TMEM42: variants seen among roughly 807,000 people sequenced by gnomAD.
TMEM42 encodes the protein transmembrane protein 42.
A neutral mutation model predicts 14.0 loss-of-function variants in TMEM42; 8 were observed. The ratio of observed to expected loss-of-function variants is 0.57; its 90% CI spans 0.34 to 1.03. TMEM42 has a LOEUF of 1.03. Among genes scored for constraint, TMEM42 ranks in the 50% least tolerant of loss-of-function variants. The pLI, the probability that TMEM42 is intolerant of heterozygous loss-of-function variation, is 0.03. For missense variants in TMEM42, 211 were observed against 219.8 expected (o/e 0.96, Z 0.25); for synonymous variants, 115 against 94.3 (o/e 1.22, Z -1.27).
In TMEM42 at chr3:44,864,182, C is replaced by A. The variant is rs375909438; in HGVS notation, c.193-15C>A. ...CCCAGGGTGGACGTGGCTGCAGTGA[C>A]ACTTTCTCCTGCAGGTGAGCATGGG... On this transcript the variant is annotated splice_polypyrimidine_tract_variant and intron_variant, in intron 1 of 2. Transcript: ENST00000302392. 67 of 1,613,228 alleles carry A rather than the reference C, an allele frequency of 4.2e-5. No homozygotes were observed. Among genetic ancestry groups the A allele is most frequent in the Non-Finnish European group, 5.3e-5 (63 of 1,179,846 alleles).
At chr3:44,863,306 C>CA (rs961244169) in intron 1 of TMEM42, 1 of 107,006 alleles carries the variant, frequency 9.3e-6, no homozygotes, top group Non-Finnish European at 2.2e-5. Flanking sequence ...CCGCACCCCC[C>CA]CCCCCCGCCG....
chr3:44,863,299 C>A (rs1486282445), intron 1 of TMEM42: 1 of 65,130 alleles, frequency 1.5e-5, no homozygotes. Context: ...TTAGATTCCG[C>A]ACCCCCCCCC....
chr3:44,864,375 C>G (rs761901692), intron 2 of TMEM42, 32 bp downstream of exon 2: 1 of 1,613,064 alleles, frequency 6.2e-7, no homozygotes, highest in African/African-American at 1.3e-5. Flanking sequence ...TGCTCTTGTC[C>G]TAAATCTGGG....
rs1029685924 is a variant in TMEM42, at chr3:44,864,093, G to A, written c.193-104G>A. 288 of 1,460,698 alleles carry A rather than the reference G, an allele frequency of 2.0e-4. 2 individuals are homozygous for A. The East Asian group carries it at 6.5e-3, about 33-fold the overall frequency. 90.5% of individuals were successfully genotyped at this position (1,460,698 alleles called of 1,614,324 possible). A position where few individuals can be genotyped will look rare whatever the true frequency, so the allele number is the denominator to read the frequency against. ...CCCTCTGAGCTGTAGTGGGAGCTCA[G>A]TAGGAGCCTGGGTGCCAGCAACCAC... On this transcript the variant is annotated intron_variant, in intron 1 of 2. Transcript: ENST00000302392.
At chr3:44,862,260 T>C in intron 1 of TMEM42, 144 bp downstream of exon 1, 1 of 532,712 alleles carries the variant, frequency 1.9e-6, no homozygotes, top group Non-Finnish European at 2.4e-6. Flanking sequence ...CTCGCCGGTC[T>C]GTCCCGCCGG....
intron 1 of TMEM42, chr3:44,863,506 G>T (rs1699286488): frequency 6.6e-6 from 1 of 152,178 alleles, no homozygotes; most frequent in Non-Finnish European, 1.5e-5. Context: ...TTTCCCTCAG[G>T]CAAGGCTGTG....
At chr3:44,864,938 G>A (rs1299671664) in intron 2 of TMEM42, 102 bp from the exon 3 acceptor site, 1 of 1,502,088 alleles carries the variant, frequency 6.7e-7, no homozygotes, top group East Asian at 2.3e-5. Flanking sequence ...TCTGGCTCCA[G>A]ACCTTTCCTC....
At chr3:44,864,079 G>A (rs2125740022) in intron 1 of TMEM42, 118 bp from the exon 2 acceptor site, 2 of 1,253,650 alleles carry the variant, frequency 1.6e-6, no homozygotes, top group Non-Finnish European at 2.3e-6. Context: ...CCTCTGAGCT[G>A]TAGTGGGAGC....
rs563400889 is a variant in TMEM42, at chr3:44,865,027, C to G, written c.340-13C>G. 1 of 1,613,904 alleles carries G rather than the reference C, an allele frequency of 6.2e-7. No homozygotes were observed. Among genetic ancestry groups the G allele is most frequent in the African/African-American group, 1.3e-5 (1 of 75,038 alleles). ...CTGAAGTTGAGTCCCTCACAGCTAT[C>G]TTTGTCTCGCAGGCCTTCCTGGGCT... is the stretch of plus-strand genomic sequence containing the variant. On this transcript the variant is annotated splice_polypyrimidine_tract_variant and intron_variant, in intron 2 of 2. Coordinates refer to ENST00000302392, the MANE Select transcript of TMEM42 (RefSeq NM_144638.3).
chr3:44,865,227 C>T lies in TMEM42; in HGVS notation c.*47C>T, dbSNP rs550580304. 8 of 1,612,170 alleles carry T rather than the reference C, an allele frequency of 5.0e-6. No homozygotes were observed. Among genetic ancestry groups the T allele is most frequent in the Non-Finnish European group, 6.8e-6 (8 of 1,178,560 alleles). On this transcript the variant is annotated 3_prime_UTR_variant, in exon 3 of 3. Transcript: ENST00000302392. ...AGCTGGAAAGATCATGATGGTGGCCCAGCCTTGGGATGTCATGTGGGACTG... is the reference window on the plus strand; with the variant it reads ...AGCTGGAAAGATCATGATGGTGGCCTAGCCTTGGGATGTCATGTGGGACTG...
At chr3:44,864,027 A>G in intron 1 of TMEM42, 170 bp from the exon 2 acceptor site, 1 of 667,678 alleles carries the variant, frequency 1.5e-6, no homozygotes, top group South Asian at 2.1e-5. Flanking sequence ...TCTGCTGCCC[A>G]CTGAGGGTTA....
In TMEM42 at chr3:44,865,025, A is replaced by G. The variant is rs749088439; in HGVS notation, c.340-15A>G. On this transcript the variant is annotated splice_polypyrimidine_tract_variant and intron_variant, in intron 2 of 2. Coordinates refer to ENST00000302392, the MANE Select transcript of TMEM42 (RefSeq NM_144638.3). ...TGCTGAAGTTGAGTCCCTCACAGCT[A>G]TCTTTGTCTCGCAGGCCTTCCTGGG... 1.3e-5 allele frequency: 21 copies of G among 1,613,772 alleles called. No individual in the cohort carries two copies. The highest frequency in any genetic ancestry group is 6.7e-5 in the African/African-American group (5 of 74,906).
chr3:44,864,253 G>C lies in TMEM42; in HGVS notation c.249G>C (p.Leu83=). 1 of 1,614,216 alleles carries C rather than the reference G, an allele frequency of 6.2e-7. No homozygotes were observed. Among genetic ancestry groups the C allele is most frequent in the South Asian group, 1.1e-5 (1 of 91,086 alleles). Residue 83 remains leucine (L), a synonymous_variant, in exon 2 of 3, where the codon CTG becomes CTC. Transcript: ENST00000302392. ...GIIVMASTNS[L]MWTFFSRGLS... ...TTGTGATGGCGAGCACCAATTCTCT[G>C]ATGTGGACCTTCTTTAGCCGGGGCC...
Position 44,862,152 on chromosome 3 carries a change from G to A in TMEM42, c.192+36G>A, listed in dbSNP as rs781477624. 7.8e-5 allele frequency: 82 copies of A among 1,053,220 alleles called. 1 individual carries two copies. The highest frequency in any genetic ancestry group is 3.8e-4 in the Middle Eastern group (1 of 2,616). The allele number at this position is 1,053,220 out of a possible 1,614,324, so 65.2% of individuals were successfully genotyped here. On this transcript the variant is annotated intron_variant, in intron 1 of 2. Transcript: ENST00000302392. ...GGGCGCTGTTGGTGCTGCTGCTGCG[G>A]GCGGGCGGGCGGGGCGCCGCTGGGC... is the stretch of plus-strand genomic sequence containing the variant.
chr3:44,862,309 G>C (rs1439913085), intron 1 of TMEM42, 193 bp downstream of exon 1: 1 of 195,946 alleles, frequency 5.1e-6, no homozygotes, highest in East Asian at 1.8e-4. Flanking sequence ...CAGCTGGGGT[G>C]GCAGAGAGTG....
At position 44,862,126 on chromosome 3, in the gene TMEM42, G is replaced by T; in HGVS notation, c.192+10G>T. On this transcript the variant is annotated intron_variant, in intron 1 of 2. Transcript: ENST00000302392. ...GGCCTTCGGCAGCGAGGTCGAGCCC[G>T]GGGCGCTGTTGGTGCTGCTGCTGCG... 1 of 1,239,242 alleles carries T rather than the reference G, an allele frequency of 8.1e-7. No homozygotes were observed. The highest frequency in any genetic ancestry group is 1.0e-6 in the Non-Finnish European group (1 of 990,304). The allele number at this position is 1,239,242 out of a possible 1,614,324, so 76.8% of individuals were successfully genotyped here. A position where few individuals can be genotyped will look rare whatever the true frequency, so the allele number is the denominator to read the frequency against.
At position 44,865,451 on chromosome 3, in the gene TMEM42, C is replaced by T; in HGVS notation, c.*271C>T. ...TGAGCCTTCGCAGATGCTGGAGATC[C>T]TGGGGTTGGTCTGCTTTGTGTATGG... On this transcript the variant is annotated 3_prime_UTR_variant, in exon 3 of 3. Coordinates refer to ENST00000302392, the MANE Select transcript of TMEM42 (RefSeq NM_144638.3). 1 of 453,930 alleles carries T rather than the reference C, an allele frequency of 2.2e-6. No homozygotes were observed. The highest frequency in any genetic ancestry group is 4.0e-6 in the Non-Finnish European group (1 of 249,738). 28.1% of individuals were successfully genotyped at this position (453,930 alleles called of 1,614,324 possible).
rs1458423814 is a variant in TMEM42, at chr3:44,865,387, G to T, written c.*207G>T. ...TCTACCGGAAGTGTTTTGATCATCT[G>T]TACAGTGCTTTGGATTCTTCCTCCC... On this transcript the variant is annotated 3_prime_UTR_variant, in exon 3 of 3. Transcript: ENST00000302392. 8 of 635,034 alleles carry T rather than the reference G, an allele frequency of 1.3e-5. No individual in the cohort carries two copies. Among genetic ancestry groups the T allele is most frequent in the Non-Finnish European group, 1.6e-5 (6 of 378,954 alleles). 39.3% of individuals were successfully genotyped at this position (635,034 alleles called of 1,614,324 possible).
chr3:44,864,612 C>T (rs867589502), intron 2 of TMEM42, among the ~76,000 whole-genome samples: 1 of 152,162 alleles, frequency 6.6e-6, no homozygotes, highest in Non-Finnish European at 1.5e-5. Context: ...ATTCTGAAGT[C>T]ACTGTGCATC....
Sources: gnomAD v4.1 joint callset for allele counts (sites outside exome capture counted in the v4.1 genomes callset) on GRCh38, gnomAD v4.1.1 for gene constraint, MANE v1.5 for transcripts, NCBI Gene and HGNC (gene_info 2026-07-23, HGNC 2026-07-21) for gene names.